The following EPB41L2 variants were observed in gnomAD, a reference collection of about 807,000 sequenced individuals.
EPB41L2 encodes the protein erythrocyte membrane protein band 4.1 like 2, also known as band 4.1-like protein 2.
In EPB41L2, 43 loss-of-function variants were observed where a neutral mutation model predicts 113.0. The observed-to-expected ratio is 0.38, with a 90% CI of 0.30 to 0.49. The LOEUF is 0.49. Among genes scored for constraint, EPB41L2 ranks in the 20% least tolerant of loss-of-function variants. The pLI is 0.95. For missense variants in EPB41L2, 1,147 were observed against 1,223.4 expected (o/e 0.94, Z 0.93); for synonymous variants, 442 against 436.7 (o/e 1.01, Z -0.15).
chr6:130,949,980 G>A (rs765373854), intron 3 of EPB41L2, among the ~76,000 whole-genome samples: 5 of 152,076 alleles, frequency 3.3e-5, no homozygotes, highest in Admixed American at 1.3e-4. Context: ...GACTGTTTAC[G>A]TTATTGGAAA....
intron 19 of EPB41L2, among the ~76,000 whole-genome samples, chr6:130,852,519 T>C (rs1259501446): frequency 6.6e-6 from 1 of 152,146 alleles, no homozygotes; most frequent in Non-Finnish European, 1.5e-5. Flanking sequence ...AACTCATGTA[T>C]TGCACGATTC....
At chr6:130,997,626 G>A (rs1316065049) in intron 1 of EPB41L2, among the ~76,000 whole-genome samples, 1 of 152,172 alleles carries the variant, frequency 6.6e-6, no homozygotes, top group Non-Finnish European at 1.5e-5. Flanking sequence ...AGGCGGACAG[G>A]GACGTGTTTT....
At chr6:130,864,074 C>T (rs1475449812) in intron 17 of EPB41L2, among the ~76,000 whole-genome samples, 2 of 152,080 alleles carry the variant, frequency 1.3e-5, no homozygotes, top group East Asian at 3.8e-4. Flanking sequence ...TATAGTTTCC[C>T]GAGTTTCTTT....
At chr6:130,846,512 G>A (rs1178721619) in intron 19 of EPB41L2, among the ~76,000 whole-genome samples, 1 of 152,216 alleles carries the variant, frequency 6.6e-6, no homozygotes, top group Admixed American at 6.5e-5. Flanking sequence ...TATCTGCTGA[G>A]TACAGGGAGA....
At chr6:130,872,451 A>T (rs1302047438) in intron 14 of EPB41L2, 1 of 1,289,406 alleles carries the variant, frequency 7.8e-7, no homozygotes, top group East Asian at 5.5e-5. Context: ...TCTGCTGTCC[A>T]AGTGGTGGCT....
At chr6:130,924,613 C>T (rs555781169) in intron 4 of EPB41L2, among the ~76,000 whole-genome samples, 1 of 152,232 alleles carries the variant, frequency 6.6e-6, no homozygotes, top group South Asian at 2.1e-4. Context: ...AGCTCCTGAC[C>T]TCATGATCTG....
intron 1 of EPB41L2, among the ~76,000 whole-genome samples, chr6:130,976,779 C>T (rs904768339): frequency 6.6e-6 from 1 of 152,334 alleles, no homozygotes; most frequent in Admixed American, 6.5e-5. Flanking sequence ...AGTAATCCAG[C>T]AGGTACATTA....
intron 1 of EPB41L2, among the ~76,000 whole-genome samples, chr6:130,976,303 G>T (rs1346173336): frequency 6.6e-6 from 1 of 152,174 alleles, no homozygotes; most frequent in East Asian, 1.9e-4. Flanking sequence ...GCTCTAATGT[G>T]CAAGTTCTTC....
rs917963617 is a variant in EPB41L2 at position 130,940,633 on chromosome 6, A to G, written c.706-13924T>C. 1.1e-4 allele frequency among the ~76,000 whole-genome samples: 17 copies of G among 152,000 alleles called. 1 individual carries two copies. The highest frequency in any genetic ancestry group is 4.1e-4 in the African/African-American group (17 of 41,454). On this transcript the variant is annotated intron_variant, in intron 3 of 19. Transcript: ENST00000337057. The stretch of plus-strand genomic sequence containing the variant: ...GGTGCCCCCTCACCATGCTCAGTTA[A>G]TTTTTGTATTTTTAGTAGAGATGGG...
chr6:130,858,162 C>G lies in EPB41L2; in HGVS notation c.2992G>C (p.Glu998Gln), dbSNP rs61731767. 66,279 of 1,613,800 alleles carry G rather than the reference C, an allele frequency of 0.041. 1,646 individuals are homozygous for G. The highest frequency in any genetic ancestry group is 0.047 in the Non-Finnish European group (55,539 of 1,179,762). ...VTRVVVHKET[E>Q]LAEEGED is the part of the protein sequence containing the mutation. ...TAATCTTCCCCTTCCTCAGCCAACTCTGTTTCTTTGTGTACCACCACTCTT... is the reference window on the plus strand; with the variant it reads ...TAATCTTCCCCTTCCTCAGCCAACTGTGTTTCTTTGTGTACCACCACTCTT... The change falls in exon 19 of 20, where the codon GAG becomes CAG. Residue 998 changes from glutamate to glutamine, a missense_variant. Transcript: ENST00000337057.
chr6:130,919,520 TGTAC>T (rs1802211797), intron 4 of EPB41L2, among the ~76,000 whole-genome samples: 2 of 125,492 alleles, frequency 1.6e-5, no homozygotes. Flanking sequence ...ACTGTACCAC[TGTAC>T]CTACTCTTCA....
intron 4 of EPB41L2, among the ~76,000 whole-genome samples, chr6:130,924,431 T>G (rs1241833946): frequency 1.3e-5 from 2 of 151,786 alleles, no homozygotes; most frequent in African/African-American, 2.4e-5. Context: ...CAGGCTGGAG[T>G]GCAATGCCAC....
intron 1 of EPB41L2, among the ~76,000 whole-genome samples, chr6:131,036,161 GTTA>G (rs1793258688): frequency 6.6e-6 from 1 of 152,170 alleles, no homozygotes; most frequent in African/African-American, 2.4e-5. Flanking sequence ...CTAACATTCT[GTTA>G]TTTGGTGTAG....
At chr6:130,954,983 T>C (rs1319944583) in intron 3 of EPB41L2, 122 bp downstream of exon 3, 1 of 845,210 alleles carries the variant, frequency 1.2e-6, no homozygotes, top group African/African-American at 1.7e-5. Context: ...TCAATGTATT[T>C]TTTTTAGTGC....
intron 1 of EPB41L2, among the ~76,000 whole-genome samples, chr6:131,025,447 T>C (rs996969612): frequency 6.6e-6 from 1 of 152,164 alleles, no homozygotes; most frequent in African/African-American, 2.4e-5. Context: ...TTATTTCATA[T>C]TACACTGCCC....
At chr6:130,979,862 C>T (rs1778996718) in intron 1 of EPB41L2, among the ~76,000 whole-genome samples, 1 of 152,112 alleles carries the variant, frequency 6.6e-6, no homozygotes, top group South Asian at 2.1e-4. Flanking sequence ...GCCTGGTTTC[C>T]AGACTGAAAT....
At chr6:130,901,208 CA>C (rs1796205526) in intron 6 of EPB41L2, 28 bp from the exon 7 acceptor site, 3 of 1,602,654 alleles carry the variant, frequency 1.9e-6, no homozygotes, top group Non-Finnish European at 2.6e-6. Context: ...AGAAATGGGT[CA>C]GGGGAGAACC....
intron 1 of EPB41L2, among the ~76,000 whole-genome samples, chr6:131,048,756 T>G (rs879168305): frequency 6.6e-6 from 1 of 152,206 alleles, no homozygotes; most frequent in African/African-American, 2.4e-5. Flanking sequence ...TATTGAAAAT[T>G]TTCCATAGTA....
chr6:130,928,065 G>A (rs939880021), intron 3 of EPB41L2, among the ~76,000 whole-genome samples: 16 of 152,108 alleles, frequency 1.1e-4, no homozygotes, highest in African/African-American at 3.9e-4. Flanking sequence ...TGCAATCCAG[G>A]CTGGGTGACA....
Sources: gnomAD v4.1 joint callset for allele counts (sites outside exome capture counted in the v4.1 genomes callset) on GRCh38, gnomAD v4.1.1 for gene constraint, MANE v1.5 for transcripts, NCBI Gene and HGNC (gene_info 2026-07-23, HGNC 2026-07-21) for gene names.